Variants in TCHP observed in about 807,000 individuals in gnomAD.
The protein encoded by TCHP is trichoplein keratin filament-binding protein.
In TCHP, 81 loss-of-function variants were observed where a neutral mutation model predicts 88.7. The ratio of observed to expected loss-of-function variants is 0.91; its 90% CI spans 0.76 to 1.10. TCHP has a LOEUF of 1.10. Ranked by LOEUF, TCHP falls within the 50% of genes least tolerant of loss-of-function variation. The pLI is 0.00. For missense variants in TCHP, 641 were observed against 632.1 expected (o/e 1.01, Z -0.15); for synonymous variants, 232 against 232.5 (o/e 1.00, Z 0.02).
chr12:109,893,642 C>G, the TCHP span, among the ~76,000 whole-genome samples: 1 of 152,114 alleles, frequency 6.6e-6, no homozygotes, highest in Non-Finnish European at 1.5e-5. Context: ...TCACCTATAT[C>G]CAGTTTATTC....
Position 109,902,080 on chromosome 12 carries a change from C to T in TCHP, c.1-947C>T, listed in dbSNP as rs142582798. ...GCACAGCATAAATGCCCCCGATGTG[C>T]CTAGTCTAGCAATCTTAGGACAATC... On this transcript the variant is annotated intron_variant, in intron 1 of 12. Transcript: ENST00000405876. 1.0e-2 allele frequency among the ~76,000 whole-genome samples: 1,523 copies of T among 152,302 alleles called. 28 individuals carry two copies. The highest frequency in any genetic ancestry group is 0.037 in the Middle Eastern group (11 of 294).
At chr12:109,901,213 C>A (rs192349204) in intron 1 of TCHP, among the ~76,000 whole-genome samples, 2 of 147,664 alleles carry the variant, frequency 1.4e-5, no homozygotes, top group Admixed American at 1.3e-4. Flanking sequence ...GAATTAGGAA[C>A]CCAGCTTGTT....
chr12:109,915,179 G>C (rs1053415669), intron 11 of TCHP: 1 of 617,140 alleles, frequency 1.6e-6, no homozygotes, highest in Non-Finnish European at 2.8e-6. Context: ...TTTCCACGAG[G>C]TAAGCGCCAC....
the TCHP span, among the ~76,000 whole-genome samples, chr12:109,888,824 C>T: frequency 1.3e-5 from 2 of 152,192 alleles, no homozygotes; most frequent in Non-Finnish European, 2.9e-5. Context: ...AATGTATTCT[C>T]TCACAGTTCT....
the TCHP span, among the ~76,000 whole-genome samples, chr12:109,891,390 CTTTT>C: frequency 1.4e-5 from 2 of 139,482 alleles, no homozygotes. Flanking sequence ...TTAATATTTC[CTTTT>C]TTTTTTTTTT....
intron 12 of TCHP, among the ~76,000 whole-genome samples, chr12:109,916,079 C>G (rs1870804668): frequency 6.6e-6 from 1 of 152,236 alleles, no homozygotes; most frequent in Non-Finnish European, 1.5e-5. Flanking sequence ...CTTCCCTGCC[C>G]TGAGGAAGCT....
At position 109,916,572 on chromosome 12, in the gene TCHP, G is replaced by A; in HGVS notation, c.1465-19G>A. 3 of 1,612,060 alleles carry A rather than the reference G, an allele frequency of 1.9e-6. No individual in the cohort carries two copies. Among genetic ancestry groups the A allele is most frequent in the Non-Finnish European group, 2.5e-6 (3 of 1,179,146 alleles). On this transcript the variant is annotated intron_variant, in intron 12 of 12. Coordinates refer to ENST00000405876, the MANE Select transcript of TCHP (RefSeq NM_001143852.2). ...ATACTGCTGATCTGATCACTCTTAT[G>A]TTTTCTTTCTTTTCTCAGCCTTACG... is the stretch of plus-strand genomic sequence containing the variant.
At chr12:109,883,392 C>T in the TCHP span, among the ~76,000 whole-genome samples, 1 of 152,032 alleles carries the variant, frequency 6.6e-6, no homozygotes, top group Non-Finnish European at 1.5e-5. Context: ...CAAACCATGA[C>T]CCAGGTAGAA....
At position 109,911,244 on chromosome 12, in the gene TCHP, C is replaced by A; in HGVS notation, c.1052+9C>A. The A allele has an allele frequency of 2.0e-6, 3 of 1,471,746 alleles. No individual in the cohort carries two copies. Among genetic ancestry groups the A allele is most frequent in the Non-Finnish European group, 2.8e-6 (3 of 1,080,934 alleles). 91.2% of individuals were successfully genotyped at this position (1,471,746 alleles called of 1,614,324 possible). On this transcript the variant is annotated intron_variant, in intron 9 of 12. Transcript: ENST00000405876. ...CTGCAGATGCTGCTGAGGTGAGTGG[C>A]AGCTGCTGACTGGGCTGGATGCTCC...
intron 1 of TCHP, among the ~76,000 whole-genome samples, chr12:109,902,480 T>G (rs1010970766): frequency 5.3e-5 from 8 of 151,864 alleles, no homozygotes; most frequent in South Asian, 2.1e-4. Context: ...TTGTTTTGTT[T>G]TGTTGTGTTT....
At chr12:109,896,523 T>A (rs1365298422), upstream of TCHP, among the ~76,000 whole-genome samples, 1 of 152,196 alleles carries the variant, frequency 6.6e-6, no homozygotes, top group Admixed American at 6.5e-5. Context: ...TGCTCGTTCC[T>A]TTTCTTCTTT....
At chr12:109,895,017 C>G in the TCHP span, among the ~76,000 whole-genome samples, 2 of 151,812 alleles carry the variant, frequency 1.3e-5, no homozygotes, top group African/African-American at 4.8e-5. Context: ...AAGACAGATA[C>G]CTGGGTTGAC....
At chr12:109,885,184 G>A in the TCHP span, among the ~76,000 whole-genome samples, 1 of 152,190 alleles carries the variant, frequency 6.6e-6, no homozygotes, top group Non-Finnish European at 1.5e-5. Flanking sequence ...TGGCCAGGCT[G>A]GTCTCGAACT....
chr12:109,914,595 A>C lies in TCHP; in HGVS notation c.1288A>C (p.Lys430Gln). 6.2e-7 allele frequency: 1 copy of C among 1,612,756 alleles called. No individual in the cohort carries two copies. The highest frequency in any genetic ancestry group is 8.5e-7 in the Non-Finnish European group (1 of 1,179,914). ...CGAGAAAGAGGAGAGTGAAAAGCTG[A>C]AATCGGCCAGGAAGCAGGAGCTGGA... ...RREKEESEKL[K>Q]SARKQELEAQ... Residue 430 changes from lysine (K) to glutamine (Q), a missense_variant, in exon 11 of 13, where the codon AAA (lysine) becomes CAA (glutamine). Lys to Gln is a moderately conservative substitution (Grantham distance 53). Transcript: ENST00000405876.
chr12:109,915,686 A>G, intron 12 of TCHP, 140 bp downstream of exon 12: 1 of 1,085,768 alleles, frequency 9.2e-7, no homozygotes. Context: ...CTTCTCTTGT[A>G]TTTCTCTCTT....
At chr12:109,881,565 T>G in the TCHP span, among the ~76,000 whole-genome samples, 20 of 152,232 alleles carry the variant, frequency 1.3e-4, no homozygotes. Flanking sequence ...GCTCCCAAAC[T>G]GTGGGGTGGA....
rs1870088780 is a variant in TCHP, at chr12:109,905,731, A to G, written c.457-841A>G. Among the ~76,000 whole-genome samples the G allele has an allele frequency of 6.6e-6, 1 of 152,254 alleles. No individual in the cohort carries two copies. Among genetic ancestry groups the G allele is most frequent in the African/African-American group, 2.4e-5 (1 of 41,470 alleles). ...AATGGAACATCTGGTGCTTTTGTGC[A>G]GTTTGCACTAATCTGTGGGAGGACT... On this transcript the variant is annotated intron_variant, in intron 4 of 12. Coordinates refer to ENST00000405876, the MANE Select transcript of TCHP (RefSeq NM_001143852.2). This position sits in a 1 kb window ranked among gnomAD's most constrained non-coding sequence, Gnocchi z 4.0.
chr12:109,881,935 A>G, the TCHP span, among the ~76,000 whole-genome samples: 1 of 140,530 alleles, frequency 7.1e-6, no homozygotes, highest in Non-Finnish European at 1.5e-5. Flanking sequence ...CTCCACCACT[A>G]TGTGTCATGC....
At chr12:109,913,705 G>A (rs1419824194) in intron 10 of TCHP, among the ~76,000 whole-genome samples, 3 of 152,220 alleles carry the variant, frequency 2.0e-5, no homozygotes, top group Non-Finnish European at 4.4e-5. Context: ...TTACCCATGG[G>A]CTGAAAGCTG....
Sources: gnomAD v4.1 joint callset for allele counts (sites outside exome capture counted in the v4.1 genomes callset) on GRCh38, gnomAD v4.1.1 for gene constraint, Gnocchi (gnomAD v3.1) non-coding constraint, MANE v1.5 for transcripts, NCBI Gene and HGNC (gene_info 2026-07-23, HGNC 2026-07-21) for gene names.